The following KLF8 variants were observed in gnomAD, a reference collection of about 807,000 sequenced individuals.
KLF8 encodes Krueppel-like factor 8.
KLF8 carries 10 observed loss-of-function variants against 18.2 expected under a neutral mutation model. The ratio of observed to expected loss-of-function variants is 0.55; its 90% CI spans 0.34 to 0.93. The LOEUF is 0.93. Among genes scored for constraint, KLF8 ranks in the 40% least tolerant of loss-of-function variants. KLF8 has a pLI of 0.02. For synonymous variants in KLF8, 109 were observed against 97.3 expected (o/e 1.12, Z -0.71); for missense variants, 264 against 277.9 (o/e 0.95, Z 0.36).
chrX:56,017,256 G>T, the KLF8 span, among the ~76,000 whole-genome samples: 1 of 112,338 alleles, frequency 8.9e-6, no homozygotes, highest in Admixed American at 9.4e-5. Context: ...TGCCATTGCT[G>T]TAGCAGTTGG....
At chrX:56,070,257 AG>A in the KLF8 span, among the ~76,000 whole-genome samples, 1 of 110,397 alleles carries the variant, frequency 9.1e-6, no homozygotes, top group Non-Finnish European at 1.9e-5. Flanking sequence ...GGGGTGTTAG[AG>A]GGAAGGGAAG....
chrX:55,968,945 C>T, the KLF8 span, among the ~76,000 whole-genome samples: 19 of 111,635 alleles, frequency 1.7e-4, no homozygotes, highest in Non-Finnish European at 3.4e-4. Context: ...CTGTTGCAAT[C>T]AGCTATATAA....
At chrX:56,031,705 G>A in the KLF8 span, among the ~76,000 whole-genome samples, 1 of 111,601 alleles carries the variant, frequency 9.0e-6, no homozygotes, top group Non-Finnish European at 1.9e-5. Context: ...TTCCCAGTCA[G>A]CGAACCAAGA....
the KLF8 span, among the ~76,000 whole-genome samples, chrX:56,139,414 A>T: frequency 1.8e-5 from 2 of 112,129 alleles, no homozygotes; most frequent in Non-Finnish European, 3.8e-5. Flanking sequence ...TTACAAGATG[A>T]CACTAACCAA....
At chrX:55,946,288 A>C in the KLF8 span, among the ~76,000 whole-genome samples, 1 of 111,676 alleles carries the variant, frequency 9.0e-6, no homozygotes, top group Non-Finnish European at 1.9e-5. Flanking sequence ...CAAAACAGAG[A>C]TGTAGATCAA....
chrX:56,134,778 C>T, the KLF8 span, among the ~76,000 whole-genome samples: 1 of 109,651 alleles, frequency 9.1e-6, no homozygotes. Context: ...TATCCAGAAT[C>T]TACAAGGGAC....
At chrX:56,213,233 A>T in the KLF8 span, among the ~76,000 whole-genome samples, 9 of 101,681 alleles carry the variant, frequency 8.9e-5, no homozygotes, top group Admixed American at 9.6e-4. Flanking sequence ...TGTGACTTTG[A>T]GTCTCCTGTT....
chrX:56,183,661 T>TA, the KLF8 span, among the ~76,000 whole-genome samples: 3 of 110,682 alleles, frequency 2.7e-5, no homozygotes, highest in African/African-American at 9.9e-5. Context: ...TTGCAAAAAC[T>TA]AAAAAGCATG....
the KLF8 span, among the ~76,000 whole-genome samples, chrX:56,186,137 T>C: frequency 5.4e-5 from 6 of 111,893 alleles, no homozygotes; most frequent in Admixed American, 9.5e-5. Flanking sequence ...ACCCATCTCA[T>C]GTGCAGAGAC....
At chrX:55,994,213 A>G in the KLF8 span, among the ~76,000 whole-genome samples, 3 of 91,741 alleles carry the variant, frequency 3.3e-5, no homozygotes, top group African/African-American at 1.1e-4. Flanking sequence ...CTCGGCTTAT[A>G]GAGATGGTCT....
the KLF8 span, among the ~76,000 whole-genome samples, chrX:56,180,091 G>T: frequency 9.0e-6 from 1 of 111,528 alleles, no homozygotes. Flanking sequence ...TGTACATCTC[G>T]TAGAATTCGG....
chrX:56,254,336 A>G (rs925997354), intron 2 of KLF8, among the ~76,000 whole-genome samples: 1 of 111,720 alleles, frequency 9.0e-6, no homozygotes, highest in Non-Finnish European at 1.9e-5. Flanking sequence ...CAGTGGGTGC[A>G]GGAGCTGGGG....
chrX:56,159,635 A>G, the KLF8 span, among the ~76,000 whole-genome samples: 2 of 112,215 alleles, frequency 1.8e-5, no homozygotes, highest in Non-Finnish European at 3.8e-5. Flanking sequence ...TGTGTTGAGG[A>G]ATTTATCCAT....
At chrX:55,917,165 T>C in the KLF8 span, among the ~76,000 whole-genome samples, 1 of 112,124 alleles carries the variant, frequency 8.9e-6, no homozygotes, top group African/African-American at 3.2e-5. Context: ...AAGCTAAGAG[T>C]TGCTTATTTC....
chrX:56,140,573 AAGAGGGGAAT>A, the KLF8 span, among the ~76,000 whole-genome samples: 2 of 110,718 alleles, frequency 1.8e-5, no homozygotes, highest in Non-Finnish European at 3.8e-5. Flanking sequence ...CATGTACACA[AAGAGGGGAAT>A]AGACACCAGG....
At chrX:56,061,683 C>T in the KLF8 span, among the ~76,000 whole-genome samples, 1 of 111,150 alleles carries the variant, frequency 9.0e-6, no homozygotes, top group East Asian at 2.8e-4. Flanking sequence ...ATTAGGTCGG[C>T]TTGGTCCAGA....
At chrX:56,041,502 C>A in the KLF8 span, among the ~76,000 whole-genome samples, 1 of 107,975 alleles carries the variant, frequency 9.3e-6, no homozygotes, top group Non-Finnish European at 1.9e-5. Flanking sequence ...AAAACCTCTC[C>A]TGGATTCATT....
At chrX:55,951,258 C>G in the KLF8 span, among the ~76,000 whole-genome samples, 1 of 109,815 alleles carries the variant, frequency 9.1e-6, no homozygotes, top group East Asian at 2.9e-4. Context: ...GGTGGATCAC[C>G]TAAGGTCAGG....
chrX:56,179,270 A>C, the KLF8 span, among the ~76,000 whole-genome samples: 4 of 111,486 alleles, frequency 3.6e-5, no homozygotes, highest in African/African-American at 1.3e-4. Flanking sequence ...ATTGGAGTTC[A>C]CTCATGATTT....
Sources: gnomAD v4.1 joint callset for allele counts (sites outside exome capture counted in the v4.1 genomes callset) on GRCh38, gnomAD v4.1.1 for gene constraint, MANE v1.5 for transcripts, NCBI Gene and HGNC (gene_info 2026-07-23, HGNC 2026-07-21) for gene names.